Variants in NT5DC1 observed in about 807,000 individuals in gnomAD.
NT5DC1 encodes the protein 5'-nucleotidase domain containing 1, also known as 5'-nucleotidase domain-containing protein 1.
NT5DC1 carries 42 observed loss-of-function variants against 59.4 expected under a neutral mutation model. The observed-to-expected ratio is 0.71, with a 90% CI of 0.55 to 0.92. NT5DC1 has a LOEUF of 0.92. Ranked by LOEUF, NT5DC1 falls within the 40% of genes least tolerant of loss-of-function variation. NT5DC1 has a pLI of 0.00. For missense variants in NT5DC1, 501 were observed against 537.1 expected, an observed-to-expected ratio of 0.93 and a Z score of 0.66; for synonymous variants, 172 against 188.1, an observed-to-expected ratio of 0.91 and a Z score of 0.70.
chr6:116,145,506 G>A (rs75132832), intron 6 of NT5DC1: 4,565 of 358,668 alleles, frequency 0.013, 168 homozygotes, highest in African/African-American at 0.085. Flanking sequence ...AGAGATTAAA[G>A]TGGGTCCTGT....
intron 6 of NT5DC1, among the ~76,000 whole-genome samples, chr6:116,168,260 A>G (rs1780522126): frequency 6.6e-6 from 1 of 151,568 alleles, no homozygotes; most frequent in African/African-American, 2.4e-5. Flanking sequence ...TATTTTTACT[A>G]TCATTTATGA....
intron 6 of NT5DC1, among the ~76,000 whole-genome samples, chr6:116,166,926 A>G (rs1264276209): frequency 6.6e-6 from 1 of 152,208 alleles, no homozygotes; most frequent in Non-Finnish European, 1.5e-5. Flanking sequence ...AATTGAGCCA[A>G]GGAAGTATCT....
At chr6:116,220,122 CTTTTTTTT>C (rs60827021) in intron 6 of NT5DC1, among the ~76,000 whole-genome samples, 49 of 98,648 alleles carry the variant, frequency 5.0e-4, no homozygotes, top group African/African-American at 1.9e-3. Context: ...GCTGTTTAAC[CTTTTTTTT>C]TTTTTTTTTT....
At chr6:116,185,731 C>T (rs978538592) in intron 6 of NT5DC1, among the ~76,000 whole-genome samples, 2 of 151,906 alleles carry the variant, frequency 1.3e-5, no homozygotes, top group Non-Finnish European at 2.9e-5. Context: ...TTTTTTCTAC[C>T]CCTTTACCTT....
chr6:116,225,046 G>A (rs1364070628), intron 8 of NT5DC1, among the ~76,000 whole-genome samples: 1 of 152,148 alleles, frequency 6.6e-6, no homozygotes, highest in Non-Finnish European at 1.5e-5. Flanking sequence ...AAAAAGAAAG[G>A]AGTAATAAAA....
intron 1 of NT5DC1, among the ~76,000 whole-genome samples, chr6:116,105,874 C>T (rs994136919): frequency 6.6e-6 from 1 of 151,956 alleles, no homozygotes; most frequent in Non-Finnish European, 1.5e-5. Flanking sequence ...CCAGAATGGA[C>T]CAAGGATGGA....
intron 6 of NT5DC1, chr6:116,125,389 A>G: frequency 5.0e-6 from 8 of 1,613,784 alleles, no homozygotes; most frequent in East Asian, 2.2e-5. Context: ...GGTGTTGGGT[A>G]GTGGGCCTTT....
intron 6 of NT5DC1, among the ~76,000 whole-genome samples, chr6:116,168,152 G>T: frequency 7.2e-6 from 1 of 138,818 alleles, no homozygotes; most frequent in Non-Finnish European, 1.5e-5. Flanking sequence ...CCATTGGTTT[G>T]TTTTGGAAAA....
intron 8 of NT5DC1, among the ~76,000 whole-genome samples, chr6:116,234,843 C>T (rs2114557557): frequency 6.6e-6 from 1 of 152,290 alleles, no homozygotes; most frequent in South Asian, 2.1e-4. Context: ...TCCGAACAGG[C>T]TCTCTACTGC....
intron 6 of NT5DC1, among the ~76,000 whole-genome samples, chr6:116,205,121 T>G (rs561742414): frequency 6.6e-6 from 1 of 151,980 alleles, no homozygotes; most frequent in Non-Finnish European, 1.5e-5. Context: ...TGTTTCTGGT[T>G]AGGCCGGTAA....
intron 6 of NT5DC1, among the ~76,000 whole-genome samples, chr6:116,219,672 C>T (rs1364116957): frequency 6.6e-6 from 1 of 151,864 alleles, no homozygotes; most frequent in Non-Finnish European, 1.5e-5. Context: ...GACTCTTCTT[C>T]CTGGCCAGGC....
intron 6 of NT5DC1, among the ~76,000 whole-genome samples, chr6:116,182,929 T>G (rs1780920021): frequency 6.6e-6 from 1 of 152,174 alleles, no homozygotes; most frequent in South Asian, 2.1e-4. Flanking sequence ...TTTTGAGTTC[T>G]TGATCATGAA....
intron 6 of NT5DC1, among the ~76,000 whole-genome samples, chr6:116,151,071 T>G (rs1001918587): frequency 2.0e-5 from 3 of 152,310 alleles, no homozygotes; most frequent in African/African-American, 4.8e-5. Flanking sequence ...TGAGTTTTTA[T>G]TTTTTTGTGA....
At chr6:116,111,141 G>A (rs1187536919) in intron 4 of NT5DC1, among the ~76,000 whole-genome samples, 185 bp downstream of exon 4, 4 of 152,188 alleles carry the variant, frequency 2.6e-5, no homozygotes, top group African/African-American at 9.7e-5. Context: ...TTGGCAGATG[G>A]TTCAAAATAC....
At chr6:116,220,561 A>G (rs1781778281) in intron 6 of NT5DC1, among the ~76,000 whole-genome samples, 1 of 152,208 alleles carries the variant, frequency 6.6e-6, no homozygotes, top group African/African-American at 2.4e-5. Flanking sequence ...CTCCCCTAGT[A>G]TAGATTCCAT....
intron 6 of NT5DC1, among the ~76,000 whole-genome samples, chr6:116,205,343 TTA>T (rs200885387): frequency 0.024 from 3,666 of 152,110 alleles, 58 homozygotes; most frequent in South Asian, 0.05. Context: ...GACTTTTTTT[TTA>T]TGTTTCAAAA....
At chr6:116,113,983 G>A (rs1778922467) in intron 4 of NT5DC1, among the ~76,000 whole-genome samples, 1 of 152,130 alleles carries the variant, frequency 6.6e-6, no homozygotes, top group South Asian at 2.1e-4. Context: ...TGGGAGTCCT[G>A]GAGTGTCATA....
chr6:116,161,350 A>T (rs1256999426), intron 6 of NT5DC1, among the ~76,000 whole-genome samples: 3 of 152,094 alleles, frequency 2.0e-5, no homozygotes, highest in East Asian at 1.9e-4. Context: ...ATAATAATAA[A>T]AAATAATAAT....
intron 6 of NT5DC1, among the ~76,000 whole-genome samples, chr6:116,204,250 A>G (rs1781402286): frequency 6.6e-6 from 1 of 151,986 alleles, no homozygotes; most frequent in Admixed American, 6.6e-5. Context: ...AACTTCATAA[A>G]TAGCCCTCAA....
Sources: allele counts gnomAD v4.1 joint callset (sites outside exome capture counted in the v4.1 genomes callset), GRCh38; gene constraint gnomAD v4.1.1; transcripts MANE v1.5; gene names NCBI Gene and HGNC (gene_info 2026-07-23, HGNC 2026-07-21).